The following CRTC3 variants were observed in gnomAD, a reference collection of about 807,000 sequenced individuals.
The protein encoded by CRTC3 is CREB-regulated transcription coactivator 3.
Under a neutral mutation model 74.5 loss-of-function variants are expected in CRTC3, and 26 were observed. That is an observed-to-expected ratio of 0.35 (90% CI 0.26 to 0.48). CRTC3 has a LOEUF of 0.48. Among genes scored for constraint, CRTC3 ranks in the 20% least tolerant of loss-of-function variants. CRTC3 has a pLI of 0.99. For synonymous variants in CRTC3, 377 were observed against 325.8 expected, an observed-to-expected ratio of 1.16 and a Z score of -1.69; for missense variants, 760 against 787.3, an observed-to-expected ratio of 0.97 and a Z score of 0.41.
At chr15:90,576,794 A>G (rs1967415444) in intron 2 of CRTC3, among the ~76,000 whole-genome samples, 1 of 152,204 alleles carries the variant, frequency 6.6e-6, no homozygotes, top group Admixed American at 6.5e-5. Context: ...AGTAGCGTGC[A>G]AAGTCTGTGG....
At chr15:90,637,714 C>G (rs1001135561) in intron 11 of CRTC3, 1 of 152,184 alleles carries the variant, frequency 6.6e-6, no homozygotes, top group African/African-American at 2.4e-5. Flanking sequence ...GAAGCACACT[C>G]AAGGCAAGGG....
At chr15:90,640,961 C>T (rs1005263713) in intron 13 of CRTC3, 136 bp from the exon 14 acceptor site, 64 of 654,240 alleles carry the variant, frequency 9.8e-5, no homozygotes, top group Non-Finnish European at 1.7e-4. Context: ...AAGAGCAAAG[C>T]ACTCTGGGAT....
chr15:90,546,845 G>C lies in CRTC3; in HGVS notation c.231+6708G>C, dbSNP rs374906595. ...TCACTGTGTTAGCCAGGATGGTCTC[G>C]ATCTCCTGACCTCGTGATCCACCCG... On this transcript the variant is annotated intron_variant, in intron 2 of 14. Transcript: ENST00000268184. 7.2e-5 allele frequency among the ~76,000 whole-genome samples: 11 copies of C among 152,068 alleles called. No homozygotes were observed. The East Asian group carries it at 1.5e-3, about 21-fold the overall frequency.
chr15:90,595,499 T>G (rs1337803894), intron 3 of CRTC3: 3 of 146,956 alleles, frequency 2.0e-5, no homozygotes, highest in African/African-American at 7.6e-5. Context: ...AGGTGGAGCT[T>G]GCGGTGAACC....
chr15:90,629,324 C>G lies in CRTC3; in HGVS notation c.1058C>G (p.Ser353Cys). 6.2e-7 allele frequency: 1 copy of G among 1,614,180 alleles called. No homozygotes were observed. The highest frequency in any genetic ancestry group is 8.5e-7 in the Non-Finnish European group (1 of 1,180,026). ...TCCTTAAATAACCACCCACAGACAT[C>G]TGTTCCCAACGCATCTGCTCTTCAC... Reference protein sequence around the residue: ...SSSLNNHPQTSVPNASALHPS... With the variant: ...SSSLNNHPQTCVPNASALHPS... The change falls in exon 11 of 15, where the codon TCT becomes TGT. Residue 353 changes from serine (S) to cysteine (C), a missense_variant. Physicochemically the swap from Ser to Cys is moderately radical, Grantham distance 112. Transcript: ENST00000268184.
intron 2 of CRTC3, among the ~76,000 whole-genome samples, chr15:90,552,932 A>AT (rs1312206161): frequency 6.6e-6 from 1 of 151,944 alleles, no homozygotes; most frequent in Non-Finnish European, 1.5e-5. Context: ...ATAATGTTAT[A>AT]TTTTTTTCCC....
At position 90,640,200 on chromosome 15, in the gene CRTC3, C is replaced by T. The variant is rs1289144076; in HGVS notation, c.1549-897C>T. On this transcript the variant is annotated intron_variant, in intron 13 of 14. Transcript: ENST00000268184. ...AGTCTAGGTGGGAATCACCGTCTCCCTGAAAAATGATAGACACTTCTTTTG... is the reference window on the plus strand; with the variant it reads ...AGTCTAGGTGGGAATCACCGTCTCCTTGAAAAATGATAGACACTTCTTTTG... 2.6e-5 allele frequency among the ~76,000 whole-genome samples: 4 copies of T among 152,236 alleles called. No individual in the cohort carries two copies. In the East Asian group the frequency reaches 7.7e-4, roughly 29 times the overall value.
chr15:90,633,915 T>C (rs1419237741), intron 11 of CRTC3, among the ~76,000 whole-genome samples: 2 of 152,106 alleles, frequency 1.3e-5, no homozygotes, highest in African/African-American at 4.8e-5. Context: ...ATGAGTTCTT[T>C]TTTGTTCTCT....
intron 9 of CRTC3, among the ~76,000 whole-genome samples, chr15:90,622,876 GA>G (rs1319935330): frequency 6.6e-6 from 1 of 152,074 alleles, no homozygotes; most frequent in Non-Finnish European, 1.5e-5. Flanking sequence ...AAAATAAAAA[GA>G]CAAAATTTAT....
intron 2 of CRTC3, among the ~76,000 whole-genome samples, chr15:90,541,916 C>G (rs911927230): frequency 2.0e-5 from 3 of 151,182 alleles, no homozygotes; most frequent in Non-Finnish European, 4.4e-5. Context: ...TCCTGAGTAG[C>G]TGGGATTACA....
At chr15:90,627,662 C>A (rs1251532741) in intron 10 of CRTC3, among the ~76,000 whole-genome samples, 1 of 151,260 alleles carries the variant, frequency 6.6e-6, no homozygotes, top group African/African-American at 2.4e-5. Context: ...TGCTGTGTCG[C>A]CCAGGCTGGA....
At chr15:90,640,893 C>T in intron 13 of CRTC3, 1 of 567,572 alleles carries the variant, frequency 1.8e-6, no homozygotes, top group East Asian at 3.0e-5. Flanking sequence ...ACCTCAGGGA[C>T]CCCTCCTCCA....
chr15:90,589,605 C>G (rs1967751653), intron 2 of CRTC3, among the ~76,000 whole-genome samples: 1 of 152,206 alleles, frequency 6.6e-6, no homozygotes. Flanking sequence ...AGTGACCCTC[C>G]CCTTTGGCCT....
rs555051476 is a variant in CRTC3 at position 90,606,265 on chromosome 15, A to C, written c.477-1113A>C. ...TCCATCTCAAAAAGTAACACTAGTA[A>C]AATAAAATAAAATAGGCCAGGCACA... On this transcript the variant is annotated intron_variant, in intron 5 of 14. Coordinates refer to ENST00000268184, the MANE Select transcript of CRTC3 (RefSeq NM_022769.5). Among the ~76,000 whole-genome samples the C allele has an allele frequency of 4.7e-5, 7 of 149,566 alleles. No homozygotes were observed. The South Asian group carries it at 1.1e-3, about 23-fold the overall frequency.
At chr15:90,533,729 A>ATTATTTGTATTTCATTTAATAAGTAAG (rs1263714988) in intron 1 of CRTC3, among the ~76,000 whole-genome samples, 1 of 152,192 alleles carries the variant, frequency 6.6e-6, no homozygotes, top group Non-Finnish European at 1.5e-5. Context: ...TTAATGAGGA[A>ATTATTTGTATTTCATTTAATAAGTAAG]GACATTCATT....
At chr15:90,629,147 G>A (rs994972798) in intron 10 of CRTC3, 87 bp from the exon 11 acceptor site, 13 of 1,274,656 alleles carry the variant, frequency 1.0e-5, no homozygotes, top group Non-Finnish European at 1.3e-5. Context: ...ATCATCGCAT[G>A]TGACAGTAGA....
Position 90,566,836 on chromosome 15 carries a change from G to A in CRTC3, c.231+26699G>A, listed in dbSNP as rs192590877. On this transcript the variant is annotated intron_variant, in intron 2 of 14. Transcript: ENST00000268184. The stretch of plus-strand genomic sequence containing the variant: ...AGCAATTCTCTTGCTTCAGCCTCCC[G>A]AGTAGCTGGGATTATAGGTGCCCGC... 8.6e-5 allele frequency among the ~76,000 whole-genome samples: 13 copies of A among 150,950 alleles called. 1 individual carries two copies. In the East Asian group the frequency reaches 2.4e-3, roughly 28 times the overall value.
chr15:90,545,430 C>T lies in CRTC3; in HGVS notation c.231+5293C>T, dbSNP rs12442600. Among the ~76,000 whole-genome samples, 961 of 141,926 alleles carry T rather than the reference C, an allele frequency of 6.8e-3. 22 individuals carry two copies. The East Asian group carries it at 0.09, about 13-fold the overall frequency. The allele number at this position is 141,926 out of a possible 152,430, so 93.1% of individuals were successfully genotyped here. On this transcript the variant is annotated intron_variant, in intron 2 of 14. Coordinates refer to ENST00000268184, the MANE Select transcript of CRTC3 (RefSeq NM_022769.5). ...TTTTTTTTTTTTTGAGACTGAATCT[C>T]GCTCTGTCGCCCAGGCTGGAGTGTA... is the stretch of plus-strand genomic sequence containing the variant.
At chr15:90,549,282 C>T (rs958851992) in intron 2 of CRTC3, among the ~76,000 whole-genome samples, 5 of 93,782 alleles carry the variant, frequency 5.3e-5, no homozygotes, top group African/African-American at 2.1e-4. Flanking sequence ...ACTCTTTGTT[C>T]ATGGTGTGTG....
Sources: allele counts gnomAD v4.1 joint callset (sites outside exome capture counted in the v4.1 genomes callset), GRCh38; gene constraint gnomAD v4.1.1; transcripts MANE v1.5; gene names NCBI Gene and HGNC (gene_info 2026-07-23, HGNC 2026-07-21).